Variants in RTN4RL1 observed in about 807,000 individuals in gnomAD.
The protein encoded by RTN4RL1 is reticulon 4 receptor like 1.
In RTN4RL1, 7 loss-of-function variants were observed where a neutral mutation model predicts 25.6. The observed-to-expected ratio is 0.27, with a 90% CI of 0.16 to 0.51. The LOEUF (loss-of-function observed/expected upper bound fraction) is 0.51. Ranked by LOEUF, RTN4RL1 falls within the 20% of genes least tolerant of loss-of-function variation. The pLI is 0.97. For missense variants in RTN4RL1, 500 were observed against 615.6 expected (o/e 0.81, Z 1.99); for synonymous variants, 297 against 288.2 (o/e 1.03, Z -0.31).
At position 1,943,846 on chromosome 17, in the gene RTN4RL1, C is replaced by G. The variant is rs75277814; in HGVS notation, c.14-6038G>C. Among the ~76,000 whole-genome samples, 573 of 152,296 alleles carry G rather than the reference C, an allele frequency of 3.8e-3. 3 individuals carry two copies. The highest frequency in any genetic ancestry group is 0.013 in the African/African-American group (551 of 41,552). On this transcript the variant is annotated intron_variant, in intron 1 of 1. Coordinates refer to ENST00000331238, the MANE Select transcript of RTN4RL1 (RefSeq NM_178568.4). The stretch of plus-strand genomic sequence containing the variant: ...TGCTGGACGTGGGGCGTGGGGTGTG[C>G]AGGATGGGCAGGGGCTCCTTGTCCA...
At position 1,937,736 on chromosome 17, in the gene RTN4RL1, C is replaced by G; in HGVS notation, c.86G>C (p.Cys29Ser). The G allele has an allele frequency of 1.2e-6, 2 of 1,609,658 alleles. No individual in the cohort carries two copies. The highest frequency in any genetic ancestry group is 1.7e-5 in the Admixed American group (1 of 60,008). The change falls in exon 2 of 2, where the codon TGT becomes TCT. Residue 29 changes from cysteine to serine, a missense_variant. Around this residue, in one of 2 missense-constraint regions of RTN4RL1, gnomAD observed 232 missense variants for 341.1 expected, o/e 0.68. Transcript: ENST00000331238. ...LPLGGGCPRD[C>S]VCYPAPMTVS... ...CGTCATGGGCGCCGGGTAGCACACA[C>G]AGTCCCGTGGGCAGCCACCACCCAG...
In RTN4RL1 at chr17:1,936,485, G is replaced by A. The variant is rs754863450; in HGVS notation, c.*11C>T. On this transcript the variant is annotated 3_prime_UTR_variant, in exon 2 of 2. Transcript: ENST00000331238. Reference sequence around the variant, plus strand: ...ACATGTGGCAGTGCTGGGTGCTGACGCCCTGGGTCCTCAGCGGAGAGTGAC... The same window carrying A: ...ACATGTGGCAGTGCTGGGTGCTGACACCCTGGGTCCTCAGCGGAGAGTGAC... 132 of 1,534,918 alleles carry A rather than the reference G, an allele frequency of 8.6e-5. No homozygotes were observed. The highest frequency in any genetic ancestry group is 1.0e-4 in the Non-Finnish European group (120 of 1,145,290).
At chr17:2,023,217 C>T (rs916627307) in intron 1 of RTN4RL1, among the ~76,000 whole-genome samples, 1 of 152,176 alleles carries the variant, frequency 6.6e-6, no homozygotes, top group Non-Finnish European at 1.5e-5. Context: ...TTTGCACGCT[C>T]CAGGCCCAAG....
At chr17:2,023,073 A>G (rs1341314495) in intron 1 of RTN4RL1, among the ~76,000 whole-genome samples, 1 of 152,208 alleles carries the variant, frequency 6.6e-6, no homozygotes, top group Non-Finnish European at 1.5e-5. Flanking sequence ...ATTTTTAACT[A>G]TAAACTGCCA....
chr17:1,966,243 ACT>A (rs1286024519), intron 1 of RTN4RL1, among the ~76,000 whole-genome samples: 3 of 151,994 alleles, frequency 2.0e-5, no homozygotes, highest in Non-Finnish European at 2.9e-5. Flanking sequence ...AGAGCTGAAC[ACT>A]CTGCAAAAGG....
At chr17:2,002,401 T>C (rs1417948263) in intron 1 of RTN4RL1, among the ~76,000 whole-genome samples, 1 of 151,218 alleles carries the variant, frequency 6.6e-6, no homozygotes, top group Admixed American at 6.6e-5. Flanking sequence ...CACGCCATTC[T>C]CCTGCCTCAG....
intron 1 of RTN4RL1, among the ~76,000 whole-genome samples, chr17:1,952,013 C>A (rs1194474299): frequency 6.6e-6 from 1 of 152,038 alleles, no homozygotes; most frequent in South Asian, 2.1e-4. Flanking sequence ...GACAGCAGGA[C>A]GGCTGAGGCT....
chr17:1,971,235 C>T (rs1047822527), intron 1 of RTN4RL1, among the ~76,000 whole-genome samples: 2 of 152,186 alleles, frequency 1.3e-5, no homozygotes, highest in African/African-American at 4.8e-5. Flanking sequence ...ACGTGTTTGA[C>T]AGTTCCTCCT....
In RTN4RL1 at chr17:2,025,106, A is replaced by C; in HGVS notation, c.-241T>G. On this transcript the variant is annotated 5_prime_UTR_variant, in exon 1 of 2. Coordinates refer to ENST00000331238, the MANE Select transcript of RTN4RL1 (RefSeq NM_178568.4). The surrounding 1 kb of genome is among the most constrained non-coding windows in gnomAD (Gnocchi z 4.8). ...GCCCGGCAGCCCCGCGCGCTTGCTC[A>C]GCCCCGGGGCGAGCGGCTTGCTCCG... 1 of 356,372 alleles carries C rather than the reference A, an allele frequency of 2.8e-6. No individual in the cohort carries two copies. Among genetic ancestry groups the C allele is most frequent in the Non-Finnish European group, 5.0e-6 (1 of 199,654 alleles). 22.1% of individuals were successfully genotyped at this position (356,372 alleles called of 1,614,324 possible).
chr17:1,961,698 C>A (rs779529217), intron 1 of RTN4RL1, among the ~76,000 whole-genome samples: 2 of 144,666 alleles, frequency 1.4e-5, no homozygotes, highest in South Asian at 2.2e-4. Context: ...GAGGCCGATG[C>A]GGGCAGATCA....
intron 1 of RTN4RL1, among the ~76,000 whole-genome samples, chr17:1,954,418 C>T (rs932685030): frequency 2.2e-5 from 3 of 137,090 alleles, no homozygotes; most frequent in South Asian, 2.3e-4. Context: ...GATGGAGTCT[C>T]GCTCTTGCCA....
chr17:2,012,274 C>G (rs2067059996), intron 1 of RTN4RL1, among the ~76,000 whole-genome samples: 1 of 152,258 alleles, frequency 6.6e-6, no homozygotes, highest in Non-Finnish European at 1.5e-5. Flanking sequence ...AGCGCCTGCT[C>G]TGCTGGGCAT....
At chr17:1,995,676 T>G (rs1357890569) in intron 1 of RTN4RL1, 1 of 152,208 alleles carries the variant, frequency 6.6e-6, no homozygotes, top group Non-Finnish European at 1.5e-5. Flanking sequence ...CCCCCTCAGA[T>G]GGCTCGCTGC....
At chr17:1,961,149 G>A (rs1303370928) in intron 1 of RTN4RL1, among the ~76,000 whole-genome samples, 2 of 152,182 alleles carry the variant, frequency 1.3e-5, no homozygotes, top group African/African-American at 2.4e-5. Context: ...TGAATGAGCC[G>A]GTTCACTATC....
At chr17:2,024,117 C>A (rs2067244848) in intron 1 of RTN4RL1, among the ~76,000 whole-genome samples, 1 of 152,148 alleles carries the variant, frequency 6.6e-6, no homozygotes, top group Admixed American at 6.5e-5. Context: ...GTGCCCGCAC[C>A]AACTTTGCCG....
At chr17:1,955,038 G>A (rs1002499300) in intron 1 of RTN4RL1, among the ~76,000 whole-genome samples, 1 of 151,998 alleles carries the variant, frequency 6.6e-6, no homozygotes, top group South Asian at 2.1e-4. Flanking sequence ...AAGAATCTCC[G>A]GTCCCAGGCC....
At chr17:2,020,830 T>A (rs187563839) in intron 1 of RTN4RL1, 1 of 152,076 alleles carries the variant, frequency 6.6e-6, no homozygotes, top group East Asian at 1.9e-4. Flanking sequence ...AGGCTCTGGA[T>A]TTGCATTCTG....
intron 1 of RTN4RL1, among the ~76,000 whole-genome samples, chr17:1,961,525 CA>C (rs1159808726): frequency 6.6e-5 from 10 of 152,046 alleles, no homozygotes; most frequent in Non-Finnish European, 1.2e-4. Context: ...TTTGATACAA[CA>C]CGTAAGGGAC....
In RTN4RL1 at chr17:2,025,020, G is replaced by C. The variant is rs939512873; in HGVS notation, c.-155C>G. ...CGTGCCCGGTGGCCCGGCCCCGCAG[G>C]GGCATGGTGAGCTCCAGCCCCGCGC... On this transcript the variant is annotated 5_prime_UTR_variant, in exon 1 of 2. Coordinates refer to ENST00000331238, the MANE Select transcript of RTN4RL1 (RefSeq NM_178568.4). The surrounding 1 kb of genome is among the most constrained non-coding windows in gnomAD (Gnocchi z 4.8). 1 of 707,210 alleles carries C rather than the reference G, an allele frequency of 1.4e-6. No individual in the cohort carries two copies. The highest frequency in any genetic ancestry group is 2.2e-6 in the Non-Finnish European group (1 of 451,790). 43.8% of individuals were successfully genotyped at this position (707,210 alleles called of 1,614,324 possible).
Sources: allele counts gnomAD v4.1 joint callset (sites outside exome capture counted in the v4.1 genomes callset), GRCh38; gene constraint gnomAD v4.1.1; regional missense constraint gnomAD v4.1.1; non-coding constraint Gnocchi (gnomAD v3.1); transcripts MANE v1.5; gene names NCBI Gene and HGNC (gene_info 2026-07-23, HGNC 2026-07-21).